FBXL17: variants seen among roughly 807,000 people sequenced by gnomAD.
The protein encoded by FBXL17 is F-box and leucine rich repeat protein 17.
FBXL17 carries 22 observed loss-of-function variants against 66.2 expected under a neutral mutation model. The ratio of observed to expected loss-of-function variants is 0.33; its 90% CI spans 0.24 to 0.47. The LOEUF is 0.47. Among genes scored for constraint, FBXL17 ranks in the 20% least tolerant of loss-of-function variants. The probability of loss-of-function intolerance (pLI) is 1.00; values close to 1 mark genes in which losing one functional copy is unlikely to be tolerated. For missense variants in FBXL17, 878 were observed against 948.2 expected, an observed-to-expected ratio of 0.93 and a Z score of 0.97; for synonymous variants, 474 against 400.5, an observed-to-expected ratio of 1.18 and a Z score of -2.19.
intron 6 of FBXL17, among the ~76,000 whole-genome samples, chr5:108,159,564 T>A (rs1410069307): frequency 6.6e-6 from 1 of 152,112 alleles, no homozygotes. Context: ...GAAGGTGCCA[T>A]CCATGAACGA....
chr5:108,054,637 T>C (rs1311223051), intron 6 of FBXL17, among the ~76,000 whole-genome samples: 1 of 152,210 alleles, frequency 6.6e-6, no homozygotes, highest in Non-Finnish European at 1.5e-5. Context: ...AATTTTTCTG[T>C]GGTGCTTGCC....
chr5:108,201,536 T>C (rs1378606400), intron 5 of FBXL17, among the ~76,000 whole-genome samples: 1 of 152,164 alleles, frequency 6.6e-6, no homozygotes, highest in Non-Finnish European at 1.5e-5. Flanking sequence ...TGTTTTAAAT[T>C]AATGTTTTTA....
chr5:108,244,388 G>A (rs1324774519), intron 4 of FBXL17, among the ~76,000 whole-genome samples: 1 of 152,108 alleles, frequency 6.6e-6, no homozygotes, highest in Non-Finnish European at 1.5e-5. Flanking sequence ...TTGCAATCCA[G>A]CTCCACTTCT....
At chr5:108,081,104 C>T (rs984395158) in intron 6 of FBXL17, among the ~76,000 whole-genome samples, 4 of 152,070 alleles carry the variant, frequency 2.6e-5, no homozygotes, top group East Asian at 1.9e-4. Context: ...TGACTCTACA[C>T]TAGAGTCAGT....
intron 4 of FBXL17, among the ~76,000 whole-genome samples, chr5:108,285,381 C>T (rs1231110839): frequency 2.0e-5 from 3 of 151,796 alleles, no homozygotes; most frequent in Non-Finnish European, 4.4e-5. Context: ...TTTCAATTTA[C>T]TTTGCCAAAG....
chr5:107,954,310 A>G (rs567058667), intron 7 of FBXL17, among the ~76,000 whole-genome samples: 1 of 152,356 alleles, frequency 6.6e-6, no homozygotes, highest in South Asian at 2.1e-4. Flanking sequence ...CATTTAAATA[A>G]ATACTTTTCC....
rs1403358757 is a variant in FBXL17 at position 107,861,363 on chromosome 5, CCTT to C, written c.*354_*356del. 6.4e-6 allele frequency: 1 copy of C among 156,162 alleles called. No individual in the cohort carries two copies. Among genetic ancestry groups the C allele is most frequent in the East Asian group, 1.9e-4 (1 of 5,396 alleles). 9.7% of individuals were successfully genotyped at this position (156,162 alleles called of 1,614,324 possible). A position where few individuals can be genotyped will look rare whatever the true frequency, so the allele number is the denominator to read the frequency against. The stretch of plus-strand genomic sequence containing the variant: ...CAATTCATCCCATGTAAAAAGAAGG[CCTT>C]CTTACTTGGACATCTCCAAGTGGCA... On this transcript the variant is annotated 3_prime_UTR_variant, in exon 9 of 9. Coordinates refer to ENST00000542267, the MANE Select transcript of FBXL17 (RefSeq NM_001163315.3).
At chr5:107,993,914 T>C (rs568094882) in intron 7 of FBXL17, among the ~76,000 whole-genome samples, 2 of 152,358 alleles carry the variant, frequency 1.3e-5, no homozygotes, top group South Asian at 2.1e-4. Context: ...TTCAGACTAA[T>C]ATCCTTTTTT....
chr5:108,283,459 T>G (rs1040048492), intron 4 of FBXL17, among the ~76,000 whole-genome samples: 1 of 151,712 alleles, frequency 6.6e-6, no homozygotes, highest in Non-Finnish European at 1.5e-5. Context: ...AGACAAATAG[T>G]GCTGGAAAAA....
At chr5:107,890,974 CT>C (rs1387728820) in intron 7 of FBXL17, among the ~76,000 whole-genome samples, 4 of 152,216 alleles carry the variant, frequency 2.6e-5, no homozygotes, top group African/African-American at 9.6e-5. Context: ...TCTTGTGGAG[CT>C]TGTATTCTGA....
intron 6 of FBXL17, among the ~76,000 whole-genome samples, chr5:108,147,221 T>C (rs989858060): frequency 2.6e-5 from 4 of 152,186 alleles, no homozygotes; most frequent in African/African-American, 9.7e-5. Context: ...CTCAGAGTTT[T>C]CCCAACATCC....
chr5:108,352,798 T>A (rs557075167), intron 3 of FBXL17, among the ~76,000 whole-genome samples: 102 of 151,560 alleles, frequency 6.7e-4, no homozygotes, highest in African/African-American at 2.3e-3. Flanking sequence ...CGTGAGCCAC[T>A]GCGCCTGGAC....
intron 3 of FBXL17, among the ~76,000 whole-genome samples, chr5:108,362,299 G>C (rs1330997121): frequency 6.6e-6 from 1 of 152,128 alleles, no homozygotes; most frequent in African/African-American, 2.4e-5. Flanking sequence ...TGAGCTCCAT[G>C]AGCTGGAGTG....
At chr5:108,263,547 T>C (rs189995232) in intron 4 of FBXL17, among the ~76,000 whole-genome samples, 3 of 152,216 alleles carry the variant, frequency 2.0e-5, no homozygotes, top group Non-Finnish European at 4.4e-5. Context: ...CTTTATTACA[T>C]TTTTACTTTC....
intron 7 of FBXL17, among the ~76,000 whole-genome samples, chr5:107,905,997 A>G (rs1331926004): frequency 6.6e-6 from 1 of 152,134 alleles, no homozygotes; most frequent in Non-Finnish European, 1.5e-5. Flanking sequence ...TTGGGAACCA[A>G]TCTAATATTA....
chr5:108,019,834 A>G (rs1169134159), intron 7 of FBXL17, among the ~76,000 whole-genome samples: 2 of 151,968 alleles, frequency 1.3e-5, no homozygotes, highest in Non-Finnish European at 2.9e-5. Flanking sequence ...TCAAAACACT[A>G]CTTTTACAAG....
intron 6 of FBXL17, among the ~76,000 whole-genome samples, chr5:108,144,370 T>C (rs1355648402): frequency 6.6e-6 from 1 of 152,164 alleles, no homozygotes; most frequent in East Asian, 1.9e-4. Context: ...CCAAAATAAA[T>C]ACACTGGAAT....
chr5:108,122,012 CAGAT>C (rs1750522304), intron 6 of FBXL17, among the ~76,000 whole-genome samples: 1 of 152,012 alleles, frequency 6.6e-6, no homozygotes, highest in Non-Finnish European at 1.5e-5. Flanking sequence ...CACTAGAAAA[CAGAT>C]GGAATCAAAT....
intron 5 of FBXL17, among the ~76,000 whole-genome samples, chr5:108,198,823 G>A (rs1048260752): frequency 1.3e-5 from 2 of 152,132 alleles, no homozygotes; most frequent in African/African-American, 4.8e-5. Flanking sequence ...CTAGGTTAAT[G>A]ACTATGCTAC....
Sources: allele counts gnomAD v4.1 joint callset (sites outside exome capture counted in the v4.1 genomes callset), GRCh38; gene constraint gnomAD v4.1.1; transcripts MANE v1.5; gene names NCBI Gene and HGNC (gene_info 2026-07-23, HGNC 2026-07-21).